Variants in KCNMB2 observed in about 807,000 individuals in gnomAD.
KCNMB2 encodes the protein potassium calcium-activated channel subfamily M regulatory beta subunit 2.
In KCNMB2, 9 loss-of-function variants were observed where a neutral mutation model predicts 24.5. That is an observed-to-expected ratio of 0.37 (90% CI 0.22 to 0.64). The LOEUF (loss-of-function observed/expected upper bound fraction) is 0.64, where lower values mean the gene tolerates loss of function less well. Among genes scored for constraint, KCNMB2 ranks in the 30% least tolerant of loss-of-function variants. KCNMB2 has a pLI of 0.63. For missense variants in KCNMB2, 226 were observed against 284.3 expected (o/e 0.79, Z 1.47); for synonymous variants, 109 against 104.4 (o/e 1.04, Z -0.27).
rs1401262421 is a variant in KCNMB2 at position 178,650,232 on chromosome 3, TTG to T, written c.-68+113522_-68+113523del. 2.0e-5 allele frequency among the ~76,000 whole-genome samples: 3 copies of T among 152,196 alleles called. No individual in the cohort carries two copies. The East Asian group carries it at 5.8e-4, about 29-fold the overall frequency. ...ACTGTTTGTTATGATTTCCATTCTT[TTG>T]CATTTGCTGAGGAGTGTTTTGCTCC... On this transcript the variant is annotated intron_variant, in intron 1 of 4. Transcript: ENST00000452583.
intron 1 of KCNMB2, among the ~76,000 whole-genome samples, chr3:178,715,792 G>C (rs764671137): frequency 3.9e-5 from 6 of 152,150 alleles, no homozygotes; most frequent in Admixed American, 3.9e-4. Context: ...GTGTTACAAA[G>C]GGCCCTTGGC....
At chr3:178,663,723 T>C (rs1315223836) in intron 1 of KCNMB2, among the ~76,000 whole-genome samples, 1 of 152,188 alleles carries the variant, frequency 6.6e-6, no homozygotes, top group Non-Finnish European at 1.5e-5. Context: ...TATTACCTCA[T>C]TTTGTATAAC....
At chr3:178,696,444 C>A (rs939202628) in intron 1 of KCNMB2, among the ~76,000 whole-genome samples, 13 of 152,158 alleles carry the variant, frequency 8.5e-5, no homozygotes, top group Non-Finnish European at 1.8e-4. Flanking sequence ...CTGGTAATAT[C>A]CGCCTTGTCA....
At position 178,843,041 on chromosome 3, in the gene KCNMB2, C is replaced by T. The variant is rs889262711; in HGVS notation, c.*104C>T. The T allele has an allele frequency of 2.5e-5, 22 of 889,308 alleles. No individual in the cohort carries two copies. The highest frequency in any genetic ancestry group is 1.3e-4 in the African/African-American group (8 of 59,312). 55.1% of individuals were successfully genotyped at this position (889,308 alleles called of 1,614,324 possible). A position where few individuals can be genotyped will look rare whatever the true frequency, so the allele number is the denominator to read the frequency against. On this transcript the variant is annotated 3_prime_UTR_variant, in exon 5 of 5. Coordinates refer to ENST00000452583, the MANE Select transcript of KCNMB2 (RefSeq NM_181361.3). Reference sequence around the variant, plus strand: ...TGTAACGTGCAGTCTGTTATGAGTTCCCTAATATATTCTTATATGTAGAGC... The same window carrying T: ...TGTAACGTGCAGTCTGTTATGAGTTTCCTAATATATTCTTATATGTAGAGC...
chr3:178,720,206 C>G (rs1722752141), intron 1 of KCNMB2, among the ~76,000 whole-genome samples: 1 of 152,144 alleles, frequency 6.6e-6, no homozygotes, highest in East Asian at 1.9e-4. Context: ...GTTCAATTCC[C>G]ATCTATGAGT....
At chr3:178,599,307 A>T (rs950208674) in intron 1 of KCNMB2, among the ~76,000 whole-genome samples, 1 of 152,200 alleles carries the variant, frequency 6.6e-6, no homozygotes, top group Non-Finnish European at 1.5e-5. Flanking sequence ...TCAAATTTTA[A>T]TACATCAGGG....
chr3:178,580,475 C>T (rs1359560394), intron 1 of KCNMB2, among the ~76,000 whole-genome samples: 1 of 152,174 alleles, frequency 6.6e-6, no homozygotes, highest in Non-Finnish European at 1.5e-5. Flanking sequence ...AGGATGCCCT[C>T]TCTCCACTCC....
chr3:178,823,877 A>AGT (rs1379776239), intron 2 of KCNMB2, among the ~76,000 whole-genome samples: 1 of 151,948 alleles, frequency 6.6e-6, no homozygotes, highest in African/African-American at 2.4e-5. Flanking sequence ...AAAAATCTGA[A>AGT]GTTATTCTTG....
intron 1 of KCNMB2, among the ~76,000 whole-genome samples, chr3:178,658,759 A>T (rs571005071): frequency 6.6e-6 from 1 of 152,310 alleles, no homozygotes; most frequent in African/African-American, 2.4e-5. Flanking sequence ...TCATGACTAT[A>T]ATATATTACT....
chr3:178,709,377 T>C (rs1722380689), intron 1 of KCNMB2, among the ~76,000 whole-genome samples: 1 of 152,226 alleles, frequency 6.6e-6, no homozygotes, highest in Non-Finnish European at 1.5e-5. Flanking sequence ...TAGGGAAGTC[T>C]TGAATTAAAC....
chr3:178,691,367 G>C (rs1721670260), intron 1 of KCNMB2, among the ~76,000 whole-genome samples: 1 of 149,870 alleles, frequency 6.7e-6, no homozygotes, highest in Non-Finnish European at 1.5e-5. Context: ...ATTAAGCTTA[G>C]TACCCATTAG....
At chr3:178,775,236 C>A (rs187910666) in intron 1 of KCNMB2, among the ~76,000 whole-genome samples, 1 of 152,030 alleles carries the variant, frequency 6.6e-6, no homozygotes, top group Non-Finnish European at 1.5e-5. Context: ...TTTTTAAACA[C>A]TTGATTTCTT....
intron 1 of KCNMB2, among the ~76,000 whole-genome samples, chr3:178,638,664 C>T (rs183183854): frequency 2.0e-5 from 3 of 152,220 alleles, no homozygotes; most frequent in African/African-American, 4.8e-5. Context: ...TATATTTTGG[C>T]CCCAATTCAT....
At chr3:178,757,123 A>G (rs1226946101) in intron 1 of KCNMB2, 1 of 150,516 alleles carries the variant, frequency 6.6e-6, no homozygotes, top group African/African-American at 2.4e-5. Context: ...CTTTCTCCTT[A>G]AGTTTATTTC....
chr3:178,806,725 C>A (rs984763780), intron 1 of KCNMB2, among the ~76,000 whole-genome samples: 1 of 151,412 alleles, frequency 6.6e-6, no homozygotes, highest in Admixed American at 6.6e-5. Flanking sequence ...TAACCCACAA[C>A]ATTCTTAAAA....
chr3:178,761,119 G>A (rs1055946899), intron 1 of KCNMB2, among the ~76,000 whole-genome samples: 1 of 152,092 alleles, frequency 6.6e-6, no homozygotes, highest in Non-Finnish European at 1.5e-5. Flanking sequence ...GTTTCTCCGA[G>A]TCTGCACTAA....
intron 1 of KCNMB2, among the ~76,000 whole-genome samples, chr3:178,647,591 T>C (rs1433084512): frequency 2.0e-5 from 3 of 152,206 alleles, no homozygotes; most frequent in African/African-American, 4.8e-5. Flanking sequence ...GGCTACCCCA[T>C]AGTGTTTTGT....
chr3:178,691,189 C>A (rs1721661976), intron 1 of KCNMB2, among the ~76,000 whole-genome samples: 1 of 139,706 alleles, frequency 7.2e-6, no homozygotes, highest in Non-Finnish European at 1.5e-5. Flanking sequence ...CTCAAATGAT[C>A]CACCTGCCTC....
At chr3:178,752,012 C>T (rs1221895229) in intron 1 of KCNMB2, among the ~76,000 whole-genome samples, 1 of 152,206 alleles carries the variant, frequency 6.6e-6, no homozygotes, top group East Asian at 1.9e-4. Flanking sequence ...CAGAAGCAAA[C>T]TCATGTTGCA....
Sources: allele counts gnomAD v4.1 joint callset (sites outside exome capture counted in the v4.1 genomes callset), GRCh38; gene constraint gnomAD v4.1.1; transcripts MANE v1.5; gene names NCBI Gene and HGNC (gene_info 2026-07-23, HGNC 2026-07-21).